Variants in CDHR3 observed in about 807,000 individuals in gnomAD.
CDHR3 encodes cadherin related family member 3.
In CDHR3, 79 loss-of-function variants were observed where a neutral mutation model predicts 86.6. The observed-to-expected ratio is 0.91, with a 90% CI of 0.76 to 1.10. The LOEUF is 1.10. CDHR3 is among the 50% of genes least tolerant of loss of function. The probability of loss-of-function intolerance (pLI) is 0.00; values close to 1 mark genes in which losing one functional copy is unlikely to be tolerated. For missense variants in CDHR3, 1,081 were observed against 1,077.6 expected, an observed-to-expected ratio of 1.00 and a Z score of -0.04; for synonymous variants, 421 against 402.4, an observed-to-expected ratio of 1.05 and a Z score of -0.55.
intron 9 of CDHR3, among the ~76,000 whole-genome samples, chr7:106,014,783 A>G (rs775523312): frequency 9.9e-5 from 15 of 152,266 alleles, no homozygotes; most frequent in Non-Finnish European, 1.6e-4. Flanking sequence ...GGGGACTACT[A>G]TAATGAAACA....
chr7:106,020,467 C>T lies in CDHR3; in HGVS notation c.1748C>T (p.Thr583Ile), dbSNP rs762145423. The T allele has an allele frequency of 3.7e-6, 6 of 1,613,934 alleles. No individual in the cohort carries two copies. The highest frequency in any genetic ancestry group is 5.1e-6 in the Non-Finnish European group (6 of 1,179,870). The change falls in exon 13 of 19, where the codon ACA becomes ATA. Residue 583 changes from threonine (T) to isoleucine (I), a missense_variant. By Grantham distance (89) the Thr-to-Ile change is moderately conservative. Transcript: ENST00000317716. ...LALPVDLKVG[T>I]NIQNFKLTCT... The stretch of plus-strand genomic sequence containing the variant: ...CTCCCAGTGGATCTGAAAGTTGGCA[C>T]AAATATTCAGAATTTCAAGCTGACA...
chr7:106,013,342 T>G (rs1187881044), intron 9 of CDHR3, among the ~76,000 whole-genome samples: 1 of 152,184 alleles, frequency 6.6e-6, no homozygotes, highest in Non-Finnish European at 1.5e-5. Context: ...CAGGCACTTT[T>G]GTTTATTTGA....
chr7:106,035,345 G>C lies in CDHR3; in HGVS notation c.*2648G>C, dbSNP rs980163240. On this transcript the variant is annotated 3_prime_UTR_variant, in exon 19 of 19. Coordinates refer to ENST00000317716, the MANE Select transcript of CDHR3 (RefSeq NM_152750.5). ...AAGAAATAGGGGCAAGAGTGCGCCA[G>C]GAGGAGAGAACACCTGCTGCCCCGT... Among the ~76,000 whole-genome samples the C allele has an allele frequency of 6.6e-6, 1 of 152,194 alleles. No homozygotes were observed. Among genetic ancestry groups the C allele is most frequent in the Admixed American group, 6.5e-5 (1 of 15,278 alleles).
At position 106,020,444 on chromosome 7, in the gene CDHR3, C is replaced by G; in HGVS notation, c.1725C>G (p.Leu575=). ...CTCCAAACTCTTATTTCCTGGCCCT[C>G]CCAGTGGATCTGAAAGTTGGCACAA... ...ICTPNSYFLA[L]PVDLKVGTNI... The change falls in exon 13 of 19, where the codon CTC becomes CTG. Residue 575 remains leucine, a synonymous_variant. Transcript: ENST00000317716. 1 of 1,613,960 alleles carries G rather than the reference C, an allele frequency of 6.2e-7. No homozygotes were observed. Among genetic ancestry groups the G allele is most frequent in the Non-Finnish European group, 8.5e-7 (1 of 1,179,878 alleles).
intron 4 of CDHR3, among the ~76,000 whole-genome samples, chr7:105,990,273 C>G (rs2115727507): frequency 6.6e-6 from 1 of 152,292 alleles, no homozygotes; most frequent in Non-Finnish European, 1.5e-5. Context: ...TAAAAACATT[C>G]AAGTACTTGC....
At position 106,013,127 on chromosome 7, in the gene CDHR3, A is replaced by G. The variant is rs561918643; in HGVS notation, c.1224+96A>G. 5 of 1,174,872 alleles carry G rather than the reference A, an allele frequency of 4.3e-6. No homozygotes were observed. The African/African-American group carries it at 6.2e-5, about 15-fold the overall frequency. 72.8% of individuals were successfully genotyped at this position (1,174,872 alleles called of 1,614,324 possible). On this transcript the variant is annotated intron_variant, in intron 9 of 18. Transcript: ENST00000317716. ...CCCCATAGAGAGAAATTTCCAAGGT[A>G]ACCCCCTCTCAGAGCGACTGTAACT...
Position 106,036,265 on chromosome 7 carries a change from T to C in CDHR3, c.*3568T>C, listed in dbSNP as rs188452939. On this transcript the variant is annotated 3_prime_UTR_variant, in exon 19 of 19. Transcript: ENST00000317716. ...CCCCCTTTCACATCTGGGGTTCTCA[T>C]TGTTTGCCTTTTTACTTAATGTATT... The C allele has an allele frequency of 1.3e-5, 2 of 152,310 alleles. No homozygotes were observed. Among genetic ancestry groups the C allele is most frequent in the Admixed American group, 1.3e-4 (2 of 15,306 alleles). The allele number at this position is 152,310 out of a possible 1,614,324, so 9.4% of individuals were successfully genotyped here.
chr7:106,016,298 G>A (rs1403783975), intron 11 of CDHR3, among the ~76,000 whole-genome samples: 5 of 152,122 alleles, frequency 3.3e-5, no homozygotes, highest in East Asian at 1.9e-4. Flanking sequence ...GCCTGATTCC[G>A]CTAATCCTCC....
At position 106,004,533 on chromosome 7, in the gene CDHR3, C is replaced by G; in HGVS notation, c.898C>G (p.Arg300Gly). 1 of 1,613,946 alleles carries G rather than the reference C, an allele frequency of 6.2e-7. No individual in the cohort carries two copies. Among genetic ancestry groups the G allele is most frequent in the South Asian group, 1.1e-5 (1 of 91,068 alleles). ...GTIQVAQRID[R>G]DAGELRQNPT... ...AATCCAAGTGGCCCAAAGGATAGAC[C>G]GAGATGCAGGTGAATTGAGACAAAA... Residue 300 changes from arginine to glycine, a missense_variant, in exon 8 of 19, where the codon CGA (arginine) becomes GGA (glycine). Transcript: ENST00000317716.
At chr7:106,027,139 G>A (rs1837478805) in intron 16 of CDHR3, among the ~76,000 whole-genome samples, 1 of 152,172 alleles carries the variant, frequency 6.6e-6, no homozygotes, top group Non-Finnish European at 1.5e-5. Flanking sequence ...ACTCACGCCT[G>A]TAATCCCAGC....
rs1488872960 is a variant in CDHR3, at chr7:106,012,977, A to G, written c.1170A>G (p.Gly390=). 1 of 1,613,180 alleles carries G rather than the reference A, an allele frequency of 6.2e-7. No homozygotes were observed. Among genetic ancestry groups the G allele is most frequent in the Non-Finnish European group, 8.5e-7 (1 of 1,179,656 alleles). ...GATTCAACTTCACCATGCCATCTGGAGTGGGGAGCGGCAGCAGATTTTTAC... is the reference window on the plus strand; with the variant it reads ...GATTCAACTTCACCATGCCATCTGGGGTGGGGAGCGGCAGCAGATTTTTAC... The part of the protein sequence containing the change: ...NNRFNFTMPS[G]VGSGSRFLQD... Residue 390 remains glycine, a synonymous_variant, in exon 9 of 19, where the codon GGA becomes GGG. Transcript: ENST00000317716.
rs1160653941 is a variant in CDHR3, at chr7:106,004,642, A to G, written c.1007A>G (p.Glu336Gly). Residue 336 changes from glutamate (E) to glycine (G), a missense_variant, in exon 8 of 19, where the codon GAA becomes GGA. Physicochemically the swap from Glu to Gly is moderately conservative, Grantham distance 98. Transcript: ENST00000317716. ...ENRIQITFIV[E>G]DVNDNPATCQ... ...CGCATCCAGATAACCTTCATTGTGG[A>G]AGACGTCAACGACAATCCTGCCACA... 1 of 1,613,902 alleles carries G rather than the reference A, an allele frequency of 6.2e-7. No individual in the cohort carries two copies. The highest frequency in any genetic ancestry group is 2.2e-5 in the East Asian group (1 of 44,892).
At chr7:106,026,592 A>G (rs970743634) in intron 15 of CDHR3, 90 bp from the exon 16 acceptor site, 1 of 1,362,938 alleles carries the variant, frequency 7.3e-7, no homozygotes, top group African/African-American at 1.4e-5. Flanking sequence ...CTCAAAGGGC[A>G]TAGTTGCCCA....
In CDHR3 at chr7:105,984,061, T is replaced by C. The variant is rs1585578923; in HGVS notation, c.416-131T>C. 5 of 490,332 alleles carry C rather than the reference T, an allele frequency of 1.0e-5. No individual in the cohort carries two copies. The East Asian group carries it at 1.6e-4, about 15-fold the overall frequency. 30.4% of individuals were successfully genotyped at this position (490,332 alleles called of 1,614,324 possible). ...GCCAGTGGTCTTGCTCATGGATTTT[T>C]TTATTGCATTCTTGGTCCCACGATG... On this transcript the variant is annotated intron_variant, in intron 3 of 18. Coordinates refer to ENST00000317716, the MANE Select transcript of CDHR3 (RefSeq NM_152750.5).
At chr7:106,015,052 G>T in intron 9 of CDHR3, 59 bp from the exon 10 acceptor site, 1 of 1,365,772 alleles carries the variant, frequency 7.3e-7, no homozygotes, top group Non-Finnish European at 1.0e-6. Context: ...AATGTCTCTC[G>T]CAGCCCAATA....
rs748651916 is a variant in CDHR3, at chr7:106,015,068, G to A, written c.1225-43G>A. The A allele has an allele frequency of 2.0e-5, 29 of 1,470,502 alleles. 1 individual carries two copies. Among genetic ancestry groups the A allele is most frequent in the South Asian group, 1.8e-4 (15 of 81,456 alleles). 91.1% of individuals were successfully genotyped at this position (1,470,502 alleles called of 1,614,324 possible). On this transcript the variant is annotated intron_variant, in intron 9 of 18. Coordinates refer to ENST00000317716, the MANE Select transcript of CDHR3 (RefSeq NM_152750.5). ...ATGTCTCTCGCAGCCCAATAAATAG[G>A]ATTGTTTAATCTGTATAATCTACTA...
At chr7:105,963,516 A>G (rs1011777202) in intron 1 of CDHR3, among the ~76,000 whole-genome samples, 152 bp downstream of exon 1, 3 of 152,202 alleles carry the variant, frequency 2.0e-5, no homozygotes, top group African/African-American at 7.2e-5. Flanking sequence ...ATGCCGCTCC[A>G]GGGAGCCCTG....
At chr7:105,972,249 A>G (rs1056540689) in intron 1 of CDHR3, among the ~76,000 whole-genome samples, 1 of 152,178 alleles carries the variant, frequency 6.6e-6, no homozygotes, top group Admixed American at 6.5e-5. Context: ...GCAGTCAAGG[A>G]GCTAGCATGA....
intron 18 of CDHR3, among the ~76,000 whole-genome samples, 180 bp downstream of exon 18, chr7:106,031,020 T>C (rs1240297557): frequency 6.6e-6 from 1 of 152,246 alleles, no homozygotes; most frequent in Admixed American, 6.5e-5. Flanking sequence ...TGAACCCAGC[T>C]GGCTAGCAGA....
Sources: allele counts gnomAD v4.1 joint callset (sites outside exome capture counted in the v4.1 genomes callset), GRCh38; gene constraint gnomAD v4.1.1; transcripts MANE v1.5; gene names NCBI Gene and HGNC (gene_info 2026-07-23, HGNC 2026-07-21).